Variants in ITGAX observed in about 807,000 individuals in gnomAD.
ITGAX encodes integrin subunit alpha X, also known as integrin alpha-X.
Under a neutral mutation model 140.2 loss-of-function variants are expected in ITGAX, and 99 were observed. The ratio of observed to expected loss-of-function variants is 0.71; its 90% CI spans 0.60 to 0.83. The LOEUF (loss-of-function observed/expected upper bound fraction) is 0.83. Ranked by LOEUF, ITGAX falls within the 40% of genes least tolerant of loss-of-function variation. ITGAX has a pLI of 0.00. For missense variants in ITGAX, 1,444 were observed against 1,482.0 expected (o/e 0.97, Z 0.42); for synonymous variants, 631 against 600.4 (o/e 1.05, Z -0.75).
Position 31,371,717 on chromosome 16 carries a change from G to T in ITGAX, c.2093G>T (p.Arg698Leu), listed in dbSNP as rs202224634. 6.2e-7 allele frequency: 1 copy of T among 1,614,116 alleles called. No homozygotes were observed. Among genetic ancestry groups the T allele is most frequent in the Non-Finnish European group, 8.5e-7 (1 of 1,180,030 alleles). ...PRATFQETKN[R>L]SLSRVRVLGL... Reference sequence around the variant, plus strand: ...GCCACCTTCCAGGAAACAAAGAACCGGAGTCTGAGCCGAGTCCGAGTCCTC... The same window carrying T: ...GCCACCTTCCAGGAAACAAAGAACCTGAGTCTGAGCCGAGTCCGAGTCCTC... The change falls in exon 17 of 30, where the codon CGG (arginine) becomes CTG (leucine). Residue 698 changes from arginine (R) to leucine (L), a missense_variant. Coordinates refer to ENST00000268296, the MANE Select transcript of ITGAX (RefSeq NM_000887.5).
intron 11 of ITGAX, 128 bp from the exon 12 acceptor site, chr16:31,362,483 G>A: frequency 7.9e-7 from 1 of 1,271,824 alleles, no homozygotes; most frequent in Non-Finnish European, 1.1e-6. Context: ...AGAGGATGGG[G>A]GCTGCATTGC....
intron 20 of ITGAX, among the ~76,000 whole-genome samples, chr16:31,374,921 T>G (rs1051753139): frequency 6.6e-6 from 1 of 152,270 alleles, no homozygotes; most frequent in Non-Finnish European, 1.5e-5. Flanking sequence ...TTTGCCCTCA[T>G]GAATGGATGA....
At position 31,380,666 on chromosome 16, in the gene ITGAX, G is replaced by A. The variant is rs116029105; in HGVS notation, c.3276+42G>A. On this transcript the variant is annotated intron_variant, in intron 28 of 29. Transcript: ENST00000268296. The stretch of plus-strand genomic sequence containing the variant: ...GGGCAGCGACCAGGCTGGAAAGAGG[G>A]CCCCTAGGGCTACATCTGTGGTGCT... The A allele has an allele frequency of 8.6e-4, 1,388 of 1,609,676 alleles. 20 individuals carry two copies. The African/African-American group carries it at 0.015, about 18-fold the overall frequency.
rs763900209 is a variant in ITGAX at position 31,371,092 on chromosome 16, G to A, written c.1719G>A (p.Ala573=). 39 of 1,613,820 alleles carry A rather than the reference G, an allele frequency of 2.4e-5. No homozygotes were observed. The highest frequency in any genetic ancestry group is 1.0e-4 in the Admixed American group (6 of 60,000). ...TTCTCTCCTCTGGCCAGCGGATCGC[G>A]GGCTCCCAGCTCTCCTCCAGGCTGC... The part of the protein sequence containing the change: ...SISPSHSQRI[A]GSQLSSRLQY... The change falls in exon 15 of 30, where the codon GCG becomes GCA. Residue 573 remains alanine, a synonymous_variant. Coordinates refer to ENST00000268296, the MANE Select transcript of ITGAX (RefSeq NM_000887.5).
rs200052033 is a variant in ITGAX at position 31,371,196 on chromosome 16, G to A, written c.1823G>A (p.Gly608Asp). Residue 608 changes from glycine (G) to aspartate (D), a missense_variant, in exon 15 of 30, where the codon GGC becomes GAC. Coordinates refer to ENST00000268296, the MANE Select transcript of ITGAX (RefSeq NM_000887.5). ...GLVDLAVGAR[G>D]QVLLLRTRPV... ...GTGGACCTGGCTGTGGGGGCCCGGGGCCAGGTGCTCCTGCTCAGGTGAGAG... is the reference window on the plus strand; with the variant it reads ...GTGGACCTGGCTGTGGGGGCCCGGGACCAGGTGCTCCTGCTCAGGTGAGAG... 172 of 1,609,968 alleles carry A rather than the reference G, an allele frequency of 1.1e-4. No homozygotes were observed. Among genetic ancestry groups the A allele is most frequent in the Non-Finnish European group, 1.4e-4 (164 of 1,178,146 alleles).
chr16:31,380,696 G>A lies in ITGAX; in HGVS notation c.3276+72G>A, dbSNP rs556411549. ...TAGGGCTACATCTGTGGTGCTGGGT[G>A]GGGGGTTTGCAAGCCTTGGGGGAGG... is the stretch of plus-strand genomic sequence containing the variant. On this transcript the variant is annotated intron_variant, in intron 28 of 29. Transcript: ENST00000268296. 6.3e-6 allele frequency: 10 copies of A among 1,579,778 alleles called. No individual in the cohort carries two copies. In the South Asian group the frequency reaches 1.0e-4, roughly 16 times the overall value.
intron 1 of ITGAX, among the ~76,000 whole-genome samples, chr16:31,355,678 C>T (rs530041490): frequency 6.6e-6 from 1 of 152,214 alleles, no homozygotes; most frequent in South Asian, 2.1e-4. Context: ...TACTGCTCTG[C>T]AGAAATGGAG....
In ITGAX at chr16:31,363,320, T is replaced by A. The variant is rs1006652276; in HGVS notation, c.1656T>A (p.Ala552=). The change falls in exon 14 of 30, where the codon GCT becomes GCA. Residue 552 remains alanine, a synonymous_variant. Coordinates refer to ENST00000268296, the MANE Select transcript of ITGAX (RefSeq NM_000887.5). ...GAPGEEENRG[A]VYLFHGVLGP... The stretch of plus-strand genomic sequence containing the variant: ...CAGGAGAGGAGGAGAACCGGGGTGC[T>A]GTCTACCTGTTTCACGGAGTCTTGG... 1 of 1,614,024 alleles carries A rather than the reference T, an allele frequency of 6.2e-7. No homozygotes were observed. Among genetic ancestry groups the A allele is most frequent in the South Asian group, 1.1e-5 (1 of 91,080 alleles).
rs552859284 is a variant in ITGAX, at chr16:31,361,513, C to T, written c.1012+300C>T. ...ACCCAGGAGACCCTTCCACCCACAC[C>T]GGGCCCTACCCAGCCCACATCCCAC... On this transcript the variant is annotated intron_variant, in intron 9 of 29. Transcript: ENST00000268296. 57 of 674,922 alleles carry T rather than the reference C, an allele frequency of 8.4e-5. 1 individual carries two copies. Among genetic ancestry groups the T allele is most frequent in the East Asian group, 4.9e-4 (18 of 37,100 alleles). The allele number at this position is 674,922 out of a possible 1,614,324, so 41.8% of individuals were successfully genotyped here. A position where few individuals can be genotyped will look rare whatever the true frequency, so the allele number is the denominator to read the frequency against.
chr16:31,372,263 A>G, intron 17 of ITGAX, 115 bp from the exon 18 acceptor site: 1 of 1,222,112 alleles, frequency 8.2e-7, no homozygotes, highest in Non-Finnish European at 1.1e-6. Context: ...CAGGCTCTGG[A>G]GGAAGCTGAA....
In ITGAX at chr16:31,376,899, T is replaced by G; in HGVS notation, c.2609T>G (p.Phe870Cys). 1 of 1,614,190 alleles carries G rather than the reference T, an allele frequency of 6.2e-7. No homozygotes were observed. Among genetic ancestry groups the G allele is most frequent in the Non-Finnish European group, 8.5e-7 (1 of 1,180,026 alleles). Residue 870 changes from phenylalanine (F) to cysteine (C), a missense_variant, in exon 21 of 30, where the codon TTC (phenylalanine) becomes TGC (cysteine). By Grantham distance (205) the Phe-to-Cys change is radical. Coordinates refer to ENST00000268296, the MANE Select transcript of ITGAX (RefSeq NM_000887.5). ...STSCRINHLI[F>C]RGGAQITFLA... ...AGCTGCAGAATCAACCACCTCATCTTCCGTGGCGGCGCCCAGGTCAGCCTG... is the reference window on the plus strand; with the variant it reads ...AGCTGCAGAATCAACCACCTCATCTGCCGTGGCGGCGCCCAGGTCAGCCTG...
chr16:31,363,491 C>A, intron 14 of ITGAX, 117 bp downstream of exon 14: 1 of 1,161,386 alleles, frequency 8.6e-7, no homozygotes, highest in Non-Finnish European at 1.3e-6. Flanking sequence ...CAGCTCTGAG[C>A]ACCTTGTAGC....
At position 31,362,682 on chromosome 16, in the gene ITGAX, A is replaced by G. The variant is rs1171529978; in HGVS notation, c.1288A>G (p.Thr430Ala). ...CCTGGGGGCCCCCCGCTACCAGCAC[A>G]CCGGGAAGGCTGTCATCTTCACCCA... ...LVLGAPRYQH[T>A]GKAVIFTQVS... Residue 430 changes from threonine to alanine, a missense_variant, in exon 12 of 30, where the codon ACC (threonine) becomes GCC (alanine). Transcript: ENST00000268296. 3 of 1,613,682 alleles carry G rather than the reference A, an allele frequency of 1.9e-6. No homozygotes were observed. Among genetic ancestry groups the G allele is most frequent in the Non-Finnish European group, 2.5e-6 (3 of 1,179,868 alleles).
chr16:31,367,967 C>A (rs890263265), intron 14 of ITGAX, among the ~76,000 whole-genome samples: 1 of 151,998 alleles, frequency 6.6e-6, no homozygotes, highest in South Asian at 2.1e-4. Context: ...AACACGAGTT[C>A]GGGAGAAGCT....
chr16:31,363,629 G>C (rs1043940690), intron 14 of ITGAX, among the ~76,000 whole-genome samples: 1 of 152,200 alleles, frequency 6.6e-6, no homozygotes, highest in African/African-American at 2.4e-5. Flanking sequence ...TATTTTAGTA[G>C]AGACAGGCTT....
At position 31,372,395 on chromosome 16, in the gene ITGAX, T is replaced by C. The variant is rs1488880125; in HGVS notation, c.2178T>C (p.Ser726=). 3 of 1,607,646 alleles carry C rather than the reference T, an allele frequency of 1.9e-6. No individual in the cohort carries two copies. Among genetic ancestry groups the C allele is most frequent in the Non-Finnish European group, 2.5e-6 (3 of 1,178,432 alleles). The change falls in exon 18 of 30, where the codon TCT becomes TCC. Residue 726 remains serine (S), a synonymous_variant. Coordinates refer to ENST00000268296, the MANE Select transcript of ITGAX (RefSeq NM_000887.5). ...NLLLPSCVED[S]VTPITLRLNF... ...TCCCCCAGAGCTGCGTGGAGGACTC[T>C]GTGACCCCCATTACCTTGCGTCTGA...
intron 28 of ITGAX, 25 bp downstream of exon 28, chr16:31,380,649 A>T (rs752336584): frequency 6.2e-7 from 1 of 1,613,644 alleles, no homozygotes. Context: ...GAGGGCAGCG[A>T]CCAGGCTGGA....
chr16:31,356,200 A>G (rs2142476632), intron 2 of ITGAX: 1 of 526,326 alleles, frequency 1.9e-6, no homozygotes, highest in African/African-American at 1.9e-5. Flanking sequence ...TGCCAGGCTC[A>G]TCACAGGTGG....
intron 14 of ITGAX, among the ~76,000 whole-genome samples, chr16:31,364,853 C>CA (rs56670313): frequency 0.62 from 66,050 of 105,832 alleles, 17,693 homozygotes; most frequent in East Asian, 0.97. Flanking sequence ...ACTAAAAATA[C>CA]AAAAAAAAAA....
Sources: allele counts gnomAD v4.1 joint callset (sites outside exome capture counted in the v4.1 genomes callset), GRCh38; gene constraint gnomAD v4.1.1; transcripts MANE v1.5; gene names NCBI Gene and HGNC (gene_info 2026-07-23, HGNC 2026-07-21).